The following DEPDC1B variants were observed in gnomAD, a reference collection of about 807,000 sequenced individuals.
DEPDC1B encodes DEP domain containing 1B, also known as DEP domain-containing protein 1B.
Under a neutral mutation model 66.5 loss-of-function variants are expected in DEPDC1B, and 51 were observed. That is an observed-to-expected ratio of 0.77 (90% CI 0.61 to 0.97). The LOEUF is 0.97. Among genes scored for constraint, DEPDC1B ranks in the 50% least tolerant of loss-of-function variants. DEPDC1B has a pLI of 0.00. For synonymous variants in DEPDC1B, 226 were observed against 223.6 expected (o/e 1.01, Z -0.10); for missense variants, 552 against 637.1 (o/e 0.87, Z 1.44).
At chr5:60,666,082 A>G (rs539799065) in intron 2 of DEPDC1B, among the ~76,000 whole-genome samples, 81 of 152,308 alleles carry the variant, frequency 5.3e-4, no homozygotes, top group African/African-American at 1.9e-3. Context: ...CTCGCCGTCC[A>G]CCACTGTTGT....
At chr5:60,666,148 T>A (rs1041285182) in intron 2 of DEPDC1B, among the ~76,000 whole-genome samples, 2 of 152,162 alleles carry the variant, frequency 1.3e-5, no homozygotes, top group Non-Finnish European at 2.9e-5. Context: ...CGGGAGGGTG[T>A]TGGCTGTGCT....
At chr5:60,657,109 C>T (rs1021337293) in intron 2 of DEPDC1B, among the ~76,000 whole-genome samples, 5 of 152,184 alleles carry the variant, frequency 3.3e-5, no homozygotes, top group Admixed American at 6.5e-5. Context: ...AGAACAGCTA[C>T]TCCTGCTCGC....
chr5:60,677,326 A>ACACACTCTCTCT (rs770640655), intron 2 of DEPDC1B, among the ~76,000 whole-genome samples: 99 of 108,554 alleles, frequency 9.1e-4, no homozygotes, highest in African/African-American at 3.2e-3. Flanking sequence ...ACACACACAC[A>ACACACTCTCTCT]CTCTCTCTCT....
At chr5:60,693,864 G>C (rs1486595690) in intron 1 of DEPDC1B, among the ~76,000 whole-genome samples, 1 of 151,974 alleles carries the variant, frequency 6.6e-6, no homozygotes. Flanking sequence ...GTAGGGCCGG[G>C]GGAAGGGGTA....
rs138272791 is a variant in DEPDC1B at position 60,655,312 on chromosome 5, T to C, written c.315-7779A>G. Among the ~76,000 whole-genome samples the C allele has an allele frequency of 5.3e-3, 792 of 149,028 alleles. 91 individuals are homozygous for C. The highest frequency in any genetic ancestry group is 0.019 in the African/African-American group (749 of 39,540). ...ACCATTTGAATCTCGCTGCTTGCTA[T>C]TGGTCTGTTCAGAGTTTCTATTTCT... On this transcript the variant is annotated intron_variant, in intron 2 of 10. Transcript: ENST00000265036.
At chr5:60,675,004 C>G (rs976650784) in intron 2 of DEPDC1B, among the ~76,000 whole-genome samples, 7 of 152,196 alleles carry the variant, frequency 4.6e-5, no homozygotes, top group African/African-American at 1.7e-4. Context: ...CTTGCTCCTG[C>G]AGTCCACCAC....
At chr5:60,599,526 C>T (rs1031753280) in intron 9 of DEPDC1B, among the ~76,000 whole-genome samples, 3 of 152,206 alleles carry the variant, frequency 2.0e-5, no homozygotes, top group Admixed American at 1.3e-4. Flanking sequence ...CTTGTGCCCT[C>T]GTTGGGAACA....
intron 2 of DEPDC1B, among the ~76,000 whole-genome samples, chr5:60,653,416 C>A (rs1307371853): frequency 7.6e-6 from 1 of 131,592 alleles, no homozygotes; most frequent in African/African-American, 3.3e-5. Context: ...GAATTGTCTA[C>A]TCATGTCCTT....
intron 1 of DEPDC1B, among the ~76,000 whole-genome samples, chr5:60,698,933 C>T (rs944345855): frequency 1.3e-5 from 2 of 152,132 alleles, no homozygotes; most frequent in Non-Finnish European, 2.9e-5. Context: ...TGTAAAATTT[C>T]ATGAGTATGT....
intron 2 of DEPDC1B, among the ~76,000 whole-genome samples, chr5:60,668,880 C>CAG (rs1310246378): frequency 6.6e-6 from 1 of 152,154 alleles, no homozygotes; most frequent in Non-Finnish European, 1.5e-5. Context: ...TTAAAAAGAG[C>CAG]AGAGCTCCCT....
chr5:60,634,091 G>A (rs1300564282), intron 7 of DEPDC1B, among the ~76,000 whole-genome samples: 2 of 152,162 alleles, frequency 1.3e-5, no homozygotes, highest in Non-Finnish European at 2.9e-5. Flanking sequence ...CCAATTATGG[G>A]ACGCTAAACT....
At chr5:60,625,963 C>T (rs1211035556) in intron 7 of DEPDC1B, among the ~76,000 whole-genome samples, 1 of 152,076 alleles carries the variant, frequency 6.6e-6, no homozygotes, top group Non-Finnish European at 1.5e-5. Context: ...TTTTTAACTC[C>T]TAAAGTCAAA....
At chr5:60,693,873 T>C (rs1347153158) in intron 1 of DEPDC1B, among the ~76,000 whole-genome samples, 1 of 151,966 alleles carries the variant, frequency 6.6e-6, no homozygotes, top group Non-Finnish European at 1.5e-5. Flanking sequence ...GGGGAAGGGG[T>C]AATAAAAAAG....
chr5:60,688,198 GTTTTTGC>G (rs1313231160), intron 1 of DEPDC1B, among the ~76,000 whole-genome samples: 12 of 152,088 alleles, frequency 7.9e-5, no homozygotes, highest in Non-Finnish European at 1.8e-4. Context: ...TGATGAGCCA[GTTTTTGC>G]TTACATGCAA....
At chr5:60,665,519 G>A (rs565775754) in intron 2 of DEPDC1B, among the ~76,000 whole-genome samples, 22 of 152,238 alleles carry the variant, frequency 1.4e-4, no homozygotes, top group South Asian at 4.1e-4. Context: ...AAGATCTACC[G>A]CAGGACCCCT....
At chr5:60,673,490 G>A (rs867318123) in intron 2 of DEPDC1B, among the ~76,000 whole-genome samples, 6 of 152,242 alleles carry the variant, frequency 3.9e-5, no homozygotes, top group Middle Eastern at 3.4e-3. Context: ...CTAAGAAGCC[G>A]GAAAAGAAGT....
chr5:60,630,333 A>T (rs1752894370), intron 7 of DEPDC1B, among the ~76,000 whole-genome samples: 1 of 152,202 alleles, frequency 6.6e-6, no homozygotes, highest in South Asian at 2.1e-4. Flanking sequence ...CTATCAGGAG[A>T]TGTGCGCTCG....
intron 2 of DEPDC1B, among the ~76,000 whole-genome samples, chr5:60,660,114 T>G (rs1044204672): frequency 3.3e-5 from 5 of 151,850 alleles, no homozygotes; most frequent in Non-Finnish European, 7.4e-5. Flanking sequence ...GTCCTTCCAC[T>G]GTGTTTCCAA....
rs1753271436 is a variant in DEPDC1B, at chr5:60,644,792, A to G, written c.662T>C (p.Val221Ala). 2 of 1,610,972 alleles carry G rather than the reference A, an allele frequency of 1.2e-6. No homozygotes were observed. The highest frequency in any genetic ancestry group is 2.7e-5 in the African/African-American group (2 of 74,920). Residue 221 changes from valine (V) to alanine (A), a missense_variant, in exon 5 of 11, where the codon GTA (valine) becomes GCA (alanine). By Grantham distance (64) the Val-to-Ala change is moderately conservative (BLOSUM62 0). Coordinates refer to ENST00000265036, the MANE Select transcript of DEPDC1B (RefSeq NM_018369.3). ...LVNSKFIIHN[V>A]YSVSKQGVVI... ...AACTCCCTGCTTGCTAACACTATAT[A>G]CATTATGGATGATGAACTTCGAATT...
Sources: gnomAD v4.1 joint callset for allele counts (sites outside exome capture counted in the v4.1 genomes callset) on GRCh38, gnomAD v4.1.1 for gene constraint, MANE v1.5 for transcripts, NCBI Gene and HGNC (gene_info 2026-07-23, HGNC 2026-07-21) for gene names.